SLC4A10: variants seen among roughly 807,000 people sequenced by gnomAD.
SLC4A10 encodes solute carrier family 4 member 10.
In SLC4A10, 42 loss-of-function variants were observed where a neutral mutation model predicts 137.7. That is an observed-to-expected ratio of 0.30 (90% CI 0.24 to 0.39). The LOEUF is 0.39. SLC4A10 is among the 10% of genes least tolerant of loss of function. The probability of loss-of-function intolerance (pLI) is 1.00; values close to 1 mark genes in which losing one functional copy is unlikely to be tolerated. For missense variants in SLC4A10, 925 were observed against 1,355.0 expected, an observed-to-expected ratio of 0.68 and a Z score of 4.98; for synonymous variants, 474 against 464.1, an observed-to-expected ratio of 1.02 and a Z score of -0.27.
At chr2:161,678,151 C>T (rs1054376740) in intron 1 of SLC4A10, among the ~76,000 whole-genome samples, 5 of 152,072 alleles carry the variant, frequency 3.3e-5, no homozygotes, top group African/African-American at 1.2e-4. Flanking sequence ...AAATGAATTC[C>T]TCCGAGGACT....
intron 3 of SLC4A10, among the ~76,000 whole-genome samples, chr2:161,838,516 T>G (rs938719419): frequency 6.6e-6 from 1 of 152,110 alleles, no homozygotes; most frequent in Admixed American, 6.5e-5. Flanking sequence ...TGAAAGACAC[T>G]GCTAAAAGAA....
chr2:161,941,020 C>A (rs1284025981), intron 15 of SLC4A10, among the ~76,000 whole-genome samples: 1 of 152,070 alleles, frequency 6.6e-6, no homozygotes, highest in Admixed American at 6.6e-5. Flanking sequence ...CAATTTATGT[C>A]CCAGGACATT....
intron 2 of SLC4A10, among the ~76,000 whole-genome samples, chr2:161,799,252 A>G (rs989213882): frequency 6.6e-6 from 1 of 151,802 alleles, no homozygotes; most frequent in Admixed American, 6.6e-5. Flanking sequence ...TATTCTTTAT[A>G]TGTTCTTGAA....
At chr2:161,820,390 A>C (rs1559325781) in intron 3 of SLC4A10, among the ~76,000 whole-genome samples, 1 of 152,244 alleles carries the variant, frequency 6.6e-6, no homozygotes, top group Admixed American at 6.5e-5. Flanking sequence ...CCAATGAATT[A>C]TCACACCAGA....
At chr2:161,731,420 T>C (rs1322033005) in intron 1 of SLC4A10, among the ~76,000 whole-genome samples, 1 of 152,138 alleles carries the variant, frequency 6.6e-6, no homozygotes, top group Non-Finnish European at 1.5e-5. Flanking sequence ...TATTTAGTGC[T>C]CTTTAGTAAG....
At chr2:161,960,363 C>CA (rs369670130) in intron 21 of SLC4A10, among the ~76,000 whole-genome samples, 6,713 of 45,320 alleles carry the variant, frequency 0.15, 548 homozygotes, top group Non-Finnish European at 0.17. Flanking sequence ...GACTCTGTCT[C>CA]AAAAAAAAAA....
chr2:161,960,140 C>A (rs557903972), intron 21 of SLC4A10, among the ~76,000 whole-genome samples: 1 of 151,166 alleles, frequency 6.6e-6, no homozygotes, highest in South Asian at 2.1e-4. Context: ...CCGAGGTGGG[C>A]GGATCATGAG....
chr2:161,787,080 A>T (rs1238408351), intron 2 of SLC4A10, among the ~76,000 whole-genome samples: 2 of 152,078 alleles, frequency 1.3e-5, no homozygotes, highest in East Asian at 1.9e-4. Context: ...CCACGTTTAC[A>T]ACACCTTTGA....
chr2:161,661,201 G>C (rs183592055), intron 1 of SLC4A10, among the ~76,000 whole-genome samples: 15 of 152,194 alleles, frequency 9.9e-5, no homozygotes, highest in African/African-American at 3.1e-4. Flanking sequence ...TTGGCCAGTC[G>C]CAGTAGCTCA....
intron 1 of SLC4A10, among the ~76,000 whole-genome samples, chr2:161,627,363 A>G (rs989456813): frequency 6.6e-6 from 1 of 152,126 alleles, no homozygotes; most frequent in African/African-American, 2.4e-5. Context: ...ACTTTGCAGT[A>G]TGCTTGGAGA....
At chr2:161,625,039 A>G (rs1280603805) in intron 1 of SLC4A10, among the ~76,000 whole-genome samples, 1 of 150,640 alleles carries the variant, frequency 6.6e-6, no homozygotes, top group Non-Finnish European at 1.5e-5. Context: ...TAGTCTCTAC[A>G]GAAACCAGGG....
At chr2:161,968,666 G>C (rs1698006288) in intron 23 of SLC4A10, among the ~76,000 whole-genome samples, 1 of 152,102 alleles carries the variant, frequency 6.6e-6, no homozygotes, top group South Asian at 2.1e-4. Context: ...CAATAATACA[G>C]TCAAGAAATA....
At position 161,638,288 on chromosome 2, in the gene SLC4A10, C is replaced by G. The variant is rs565382539; in HGVS notation, c.48+13722C>G. 1.7e-3 allele frequency among the ~76,000 whole-genome samples: 260 copies of G among 152,154 alleles called. 1 individual carries two copies. The highest frequency in any genetic ancestry group is 5.8e-3 in the African/African-American group (242 of 41,504). On this transcript the variant is annotated intron_variant, in intron 1 of 26. Transcript: ENST00000446997. Reference sequence around the variant, plus strand: ...AGGTCTTACATTTAAGTATTTAATCCATTTTGAGTTGATTTTTGTATATGG... The same window carrying G: ...AGGTCTTACATTTAAGTATTTAATCGATTTTGAGTTGATTTTTGTATATGG...
At chr2:161,840,741 T>G (rs2059128001) in intron 4 of SLC4A10, among the ~76,000 whole-genome samples, 1 of 152,226 alleles carries the variant, frequency 6.6e-6, no homozygotes, top group African/African-American at 2.4e-5. Context: ...CACCCAGGGT[T>G]GTCATTTACC....
rs908036628 is a variant in SLC4A10, at chr2:161,758,342, A to G, written c.49-12631A>G. ...ATACCTGAAATACAGTATTTTTTCC[A>G]CTGCTTGTTTTCACTTATCATTGAA... On this transcript the variant is annotated intron_variant, in intron 1 of 26. Transcript: ENST00000446997. Among the ~76,000 whole-genome samples, 107 of 151,898 alleles carry G rather than the reference A, an allele frequency of 7.0e-4. 1 individual carries two copies. Among genetic ancestry groups the G allele is most frequent in the Non-Finnish European group, 1.6e-4 (11 of 67,858 alleles).
chr2:161,718,744 T>C (rs1219723634), intron 1 of SLC4A10, among the ~76,000 whole-genome samples: 1 of 152,190 alleles, frequency 6.6e-6, no homozygotes, highest in Middle Eastern at 3.2e-3. Context: ...GTAGGCACCA[T>C]GTAGTGCTGA....
At chr2:161,721,740 AGGTT>A (rs988620435) in intron 1 of SLC4A10, among the ~76,000 whole-genome samples, 12 of 152,158 alleles carry the variant, frequency 7.9e-5, no homozygotes, top group African/African-American at 2.9e-4. Context: ...CTGTCTTGCT[AGGTT>A]GGGGAATTTC....
At chr2:161,903,175 T>C (rs1191214458) in intron 12 of SLC4A10, among the ~76,000 whole-genome samples, 1 of 152,200 alleles carries the variant, frequency 6.6e-6, no homozygotes, top group Non-Finnish European at 1.5e-5. Context: ...TTTCACAGTT[T>C]AATACTTTTC....
At chr2:161,624,942 T>C (rs542078660) in intron 1 of SLC4A10, among the ~76,000 whole-genome samples, 1 of 152,140 alleles carries the variant, frequency 6.6e-6, no homozygotes, top group African/African-American at 2.4e-5. Context: ...CCTTTTATCA[T>C]GTTTAATCCC....
Sources: gnomAD v4.1 joint callset for allele counts (sites outside exome capture counted in the v4.1 genomes callset) on GRCh38, gnomAD v4.1.1 for gene constraint, MANE v1.5 for transcripts, NCBI Gene and HGNC (gene_info 2026-07-23, HGNC 2026-07-21) for gene names.